Variants in PANK2 observed in about 807,000 individuals in gnomAD.
The protein encoded by PANK2 is pantothenate kinase 2, mitochondrial.
A neutral mutation model predicts 43.1 loss-of-function variants in PANK2; 36 were observed. The observed-to-expected ratio is 0.84, with a 90% CI of 0.64 to 1.10. PANK2 has a LOEUF of 1.10. Ranked by LOEUF, PANK2 falls within the 50% of genes least tolerant of loss-of-function variation. The pLI is 0.00. For missense variants in PANK2, 576 were observed against 593.3 expected, an observed-to-expected ratio of 0.97 and a Z score of 0.30; for synonymous variants, 281 against 238.2, an observed-to-expected ratio of 1.18 and a Z score of -1.66.
At chr20:3,897,064 A>G (rs1324723610) in intron 1 of PANK2, among the ~76,000 whole-genome samples, 1 of 152,124 alleles carries the variant, frequency 6.6e-6, no homozygotes, top group African/African-American at 2.4e-5. Flanking sequence ...AGTCGTTGGA[A>G]TTGCATTGGA....
At chr20:3,890,460 C>A (rs555560811) in intron 1 of PANK2, among the ~76,000 whole-genome samples, 1 of 152,264 alleles carries the variant, frequency 6.6e-6, no homozygotes, top group African/African-American at 2.4e-5. Context: ...TATTAGGTTT[C>A]TTTTTCTGTG....
intron 1 of PANK2, 183 bp downstream of exon 1, chr20:3,889,911 G>C: frequency 1.3e-6 from 2 of 1,531,710 alleles, no homozygotes; most frequent in South Asian, 2.4e-5. Flanking sequence ...CGGTACCTTC[G>C]GGGGCCCCCC....
chr20:3,917,854 C>T lies in PANK2; in HGVS notation c.1206+804C>T, dbSNP rs973034797. Among the ~76,000 whole-genome samples, 21 of 152,146 alleles carry T rather than the reference C, an allele frequency of 1.4e-4. No homozygotes were observed. In the South Asian group the frequency reaches 1.5e-3, roughly 11 times the overall value. On this transcript the variant is annotated intron_variant, in intron 5 of 6. Coordinates refer to ENST00000610179, the MANE Select transcript of PANK2 (RefSeq NM_001386393.1). ...TTGTATGTTCCCTTTCCTGTGCTTA[C>T]GTATTTTCAGAAATTTTAGTTGGTG...
At chr20:3,889,094 G>C (rs1391855118), upstream of PANK2, 2 of 1,537,074 alleles carry the variant, frequency 1.3e-6, no homozygotes. Context: ...GCGGAAGGAG[G>C]GGGTGGATGA....
At chr20:3,890,958 G>T (rs2090113524) in intron 1 of PANK2, among the ~76,000 whole-genome samples, 1 of 152,170 alleles carries the variant, frequency 6.6e-6, no homozygotes, top group Admixed American at 6.5e-5. Context: ...GATCCTTCAT[G>T]GTTTTGTATT....
intron 1 of PANK2, among the ~76,000 whole-genome samples, chr20:3,897,052 A>C (rs933398754): frequency 1.3e-5 from 2 of 152,158 alleles, no homozygotes; most frequent in South Asian, 2.1e-4. Flanking sequence ...CTCCAGGTAC[A>C]TAGTCGTTGG....
chr20:3,893,510 C>G (rs1485815033), intron 1 of PANK2, among the ~76,000 whole-genome samples: 1 of 152,108 alleles, frequency 6.6e-6, no homozygotes, highest in Non-Finnish European at 1.5e-5. Flanking sequence ...AGCATATGTG[C>G]AGCAGGTGTG....
chr20:3,888,878 G>C, upstream of PANK2: 1 of 510,136 alleles, frequency 2.0e-6, no homozygotes, highest in East Asian at 3.0e-5. Context: ...GGCAGCTGCG[G>C]AACTAGGCCG....
intron 1 of PANK2, among the ~76,000 whole-genome samples, chr20:3,898,298 C>G (rs1199455586): frequency 1.3e-5 from 2 of 152,080 alleles, no homozygotes; most frequent in South Asian, 4.1e-4. Flanking sequence ...CTCCCGGGTT[C>G]AAGCAATTCT....
rs1568572557 is a variant in PANK2, at chr20:3,910,559, ATTC to A, written c.652-15_652-13del. 1.2e-6 allele frequency: 2 copies of A among 1,613,994 alleles called. No individual in the cohort carries two copies. The highest frequency in any genetic ancestry group is 1.7e-6 in the Non-Finnish European group (2 of 1,179,954). On this transcript the variant is annotated splice_polypyrimidine_tract_variant and intron_variant, in intron 2 of 6. Coordinates refer to ENST00000610179, the MANE Select transcript of PANK2 (RefSeq NM_001386393.1). Reference sequence around the variant, plus strand: ...TTGGCTTATTAAAAAGTCTGAGTACATTCTTATTTCATTACAGATAGGTGATCT... The same window carrying A: ...TTGGCTTATTAAAAAGTCTGAGTACATTATTTCATTACAGATAGGTGATCT...
chr20:3,889,363 G>A, upstream of PANK2: 1 of 1,578,676 alleles, frequency 6.3e-7, no homozygotes, highest in Non-Finnish European at 8.6e-7. Flanking sequence ...AACGGAAGAG[G>A]CGGCCGGCCG....
chr20:3,897,143 G>T (rs1184899893), intron 1 of PANK2, among the ~76,000 whole-genome samples: 1 of 152,194 alleles, frequency 6.6e-6, no homozygotes, highest in African/African-American at 2.4e-5. Context: ...GAAGTCTTCT[G>T]TGTTGATCGT....
At position 3,889,645 on chromosome 20, in the gene PANK2, C is replaced by T. The variant is rs755932521; in HGVS notation, c.215C>T (p.Thr72Met). Residue 72 changes from threonine (T) to methionine (M), a missense_variant, in exon 1 of 7, where the codon ACG becomes ATG. Thr to Met is a moderately conservative substitution (Grantham distance 81). Transcript: ENST00000610179. The stretch of plus-strand genomic sequence containing the variant: ...GCGGTCGGGGCCTCGGCTGAGGGCA[C>T]GAGGCGGGATCGACTGGGCTCTTAC... 69 of 1,581,206 alleles carry T rather than the reference C, an allele frequency of 4.4e-5. 1 individual carries two copies. The highest frequency in any genetic ancestry group is 3.5e-5 in the Non-Finnish European group (41 of 1,172,362).
At chr20:3,889,870 A>G (rs1237252206) in intron 1 of PANK2, 142 bp downstream of exon 1, 8 of 1,532,390 alleles carry the variant, frequency 5.2e-6, no homozygotes, top group Non-Finnish European at 7.0e-6. Context: ...GTGGCCTGAC[A>G]TCCGGCTGGA....
In PANK2 at chr20:3,915,608, A is replaced by T. The variant is rs186239320; in HGVS notation, c.1083-1319A>T. ...ACCACGCCCGCCAGTTTTAGCTCTT[A>T]TATTTAGCTCTTATATTTGATCCAT... On this transcript the variant is annotated intron_variant, in intron 4 of 6. Transcript: ENST00000610179. 2.0e-5 allele frequency among the ~76,000 whole-genome samples: 3 copies of T among 152,224 alleles called. No homozygotes were observed. In the East Asian group the frequency reaches 5.8e-4, roughly 29 times the overall value.
chr20:3,888,819 G>A, upstream of PANK2: 1 of 433,004 alleles, frequency 2.3e-6, no homozygotes, highest in Non-Finnish European at 4.1e-6. Context: ...CAGGCGGAAA[G>A]GAGGCGGCTT....
intron 4 of PANK2, among the ~76,000 whole-genome samples, chr20:3,913,869 A>G (rs1479626941): frequency 6.7e-6 from 1 of 150,002 alleles, no homozygotes; most frequent in Non-Finnish European, 1.5e-5. Context: ...GCTCACTGCA[A>G]GCTCTAGCTC....
intron 1 of PANK2, among the ~76,000 whole-genome samples, chr20:3,902,163 CTT>C (rs542705456): frequency 2.8e-4 from 38 of 138,148 alleles, no homozygotes; most frequent in Non-Finnish European, 1.9e-4. Context: ...CTCCCTCTCT[CTT>C]TTTTTTTTTT....
intron 4 of PANK2, among the ~76,000 whole-genome samples, chr20:3,914,780 C>T (rs1377203516): frequency 1.3e-5 from 2 of 151,728 alleles, no homozygotes; most frequent in Admixed American, 6.6e-5. Flanking sequence ...TGGCTAATTT[C>T]TGTAATTTTA....
Sources: gnomAD v4.1 joint callset for allele counts (sites outside exome capture counted in the v4.1 genomes callset) on GRCh38, gnomAD v4.1.1 for gene constraint, MANE v1.5 for transcripts, NCBI Gene and HGNC (gene_info 2026-07-23, HGNC 2026-07-21) for gene names.